PTPRT: variants seen among roughly 807,000 people sequenced by gnomAD.
The protein encoded by PTPRT is receptor-type tyrosine-protein phosphatase T.
In PTPRT, 56 loss-of-function variants were observed where a neutral mutation model predicts 176.8. The observed-to-expected ratio is 0.32, with a 90% CI of 0.26 to 0.40. The LOEUF (loss-of-function observed/expected upper bound fraction) is 0.40, where lower values mean the gene tolerates loss of function less well. PTPRT is among the 10% of genes least tolerant of loss of function. The pLI is 1.00. For missense variants in PTPRT, 1,540 were observed against 1,908.2 expected (o/e 0.81, Z 3.60); for synonymous variants, 783 against 739.0 (o/e 1.06, Z -0.96).
Position 42,921,215 on chromosome 20 carries a change from C to A in PTPRT, c.89-35283G>T, listed in dbSNP as rs989651260. Among the ~76,000 whole-genome samples, 10 of 152,166 alleles carry A rather than the reference C, an allele frequency of 6.6e-5. No homozygotes were observed. The South Asian group carries it at 2.1e-3, about 32-fold the overall frequency. ...GATGGAATTAGGGGATTATTTTCAT[C>A]TCTGTTTTCCAAAATTTCTGAAATA... On this transcript the variant is annotated intron_variant, in intron 1 of 30. Coordinates refer to ENST00000373187, the MANE Select transcript of PTPRT (RefSeq NM_007050.6).
intron 9 of PTPRT, among the ~76,000 whole-genome samples, 175 bp from the exon 10 acceptor site, chr20:42,352,460 A>C (rs1169880928): frequency 6.6e-6 from 1 of 152,164 alleles, no homozygotes; most frequent in Non-Finnish European, 1.5e-5. Context: ...CCCAGCCTCC[A>C]AATACCCCAT....
intron 1 of PTPRT, among the ~76,000 whole-genome samples, chr20:43,135,723 G>A (rs934757363): frequency 1.3e-5 from 2 of 152,228 alleles, no homozygotes; most frequent in Non-Finnish European, 2.9e-5. Context: ...AGACCACTGA[G>A]TGTAGTGACC....
intron 6 of PTPRT, among the ~76,000 whole-genome samples, chr20:42,755,554 A>G (rs2076818748): frequency 6.7e-6 from 1 of 149,316 alleles, no homozygotes; most frequent in Non-Finnish European, 1.5e-5. Context: ...TGCAGTTACC[A>G]GTGTAAACTG....
chr20:42,450,549 CT>C (rs1317248331), intron 8 of PTPRT, among the ~76,000 whole-genome samples: 1 of 152,126 alleles, frequency 6.6e-6, no homozygotes, highest in African/African-American at 2.4e-5. Flanking sequence ...TTTTGCTCAT[CT>C]TTGTCTTATG....
At chr20:42,717,524 GATTAC>G (rs1288852561) in intron 6 of PTPRT, among the ~76,000 whole-genome samples, 3 of 151,994 alleles carry the variant, frequency 2.0e-5, no homozygotes, top group Non-Finnish European at 4.4e-5. Context: ...ATTTTAGATG[GATTAC>G]ATAGACCTAT....
At chr20:42,172,319 T>C (rs1990113191) in intron 16 of PTPRT, among the ~76,000 whole-genome samples, 1 of 152,046 alleles carries the variant, frequency 6.6e-6, no homozygotes, top group Admixed American at 6.5e-5. Flanking sequence ...ACCAACAAAT[T>C]AGACAAACCT....
At position 42,627,985 on chromosome 20, in the gene PTPRT, C is replaced by A. The variant is rs374762604; in HGVS notation, c.1153+49881G>T. Among the ~76,000 whole-genome samples the A allele has an allele frequency of 7.9e-5, 12 of 152,212 alleles. No individual in the cohort carries two copies. The East Asian group carries it at 2.1e-3, about 27-fold the overall frequency. On this transcript the variant is annotated intron_variant, in intron 7 of 30. Transcript: ENST00000373187. The stretch of plus-strand genomic sequence containing the variant: ...GGCAAGGTTTCATCCATCCGTAATG[C>A]CTGCTGGGACAACTGGGAGAACAGG...
chr20:42,219,001 G>T (rs761149363), intron 15 of PTPRT, among the ~76,000 whole-genome samples: 1 of 152,174 alleles, frequency 6.6e-6, no homozygotes, highest in African/African-American at 2.4e-5. Context: ...TTTATGCAAC[G>T]TGAGGTGCTT....
At chr20:43,024,982 A>G (rs1985852662) in intron 1 of PTPRT, among the ~76,000 whole-genome samples, 1 of 152,190 alleles carries the variant, frequency 6.6e-6, no homozygotes, top group Non-Finnish European at 1.5e-5. Flanking sequence ...GCCATCCTGA[A>G]AATTTTAAAC....
chr20:42,141,153 C>T (rs558091541), intron 18 of PTPRT, among the ~76,000 whole-genome samples: 1 of 152,296 alleles, frequency 6.6e-6, no homozygotes, highest in Admixed American at 6.5e-5. Flanking sequence ...CCTTCCCCTG[C>T]AGGCTCAGTA....
chr20:42,368,342 A>C (rs551187006), intron 9 of PTPRT, among the ~76,000 whole-genome samples: 3 of 152,314 alleles, frequency 2.0e-5, no homozygotes, highest in Admixed American at 6.5e-5. Flanking sequence ...ACTTGAAGAC[A>C]TCAAAGGTTA....
intron 6 of PTPRT, among the ~76,000 whole-genome samples, chr20:42,707,949 T>C (rs2076085877): frequency 6.6e-6 from 1 of 152,212 alleles, no homozygotes; most frequent in African/African-American, 2.4e-5. Context: ...GATCATAAAT[T>C]ATTTTAAGCT....
At chr20:43,100,636 C>G (rs1231256861) in intron 1 of PTPRT, among the ~76,000 whole-genome samples, 1 of 152,208 alleles carries the variant, frequency 6.6e-6, no homozygotes, top group Admixed American at 6.5e-5. Flanking sequence ...TCATTTCCAG[C>G]TCTGTGTTAG....
intron 7 of PTPRT, among the ~76,000 whole-genome samples, chr20:42,578,902 T>TTG (rs1555882870): frequency 2.2e-4 from 31 of 139,776 alleles, no homozygotes; most frequent in African/African-American, 5.0e-4. Flanking sequence ...TTTTTTTTTT[T>TTG]GGGGGGGGGT....
At position 42,938,675 on chromosome 20, in the gene PTPRT, C is replaced by A. The variant is rs557819069; in HGVS notation, c.89-52743G>T. The stretch of plus-strand genomic sequence containing the variant: ...CAGGGTATTTCCAGCCTAACTCCCT[C>A]CCCCCCATGCTTGCTAGAGAGTGCT... On this transcript the variant is annotated intron_variant, in intron 1 of 30. Coordinates refer to ENST00000373187, the MANE Select transcript of PTPRT (RefSeq NM_007050.6). Among the ~76,000 whole-genome samples, 6 of 152,152 alleles carry A rather than the reference C, an allele frequency of 3.9e-5. No individual in the cohort carries two copies. The South Asian group carries it at 1.0e-3, about 26-fold the overall frequency.
chr20:42,362,017 C>A (rs1461451642), intron 9 of PTPRT, among the ~76,000 whole-genome samples: 1 of 152,160 alleles, frequency 6.6e-6, no homozygotes, highest in Non-Finnish European at 1.5e-5. Context: ...ACATTCTTAG[C>A]CAAATGATGA....
At chr20:42,772,606 G>T (rs910428766) in intron 4 of PTPRT, among the ~76,000 whole-genome samples, 3 of 152,102 alleles carry the variant, frequency 2.0e-5, no homozygotes, top group Non-Finnish European at 4.4e-5. Context: ...CTGATAAATT[G>T]TATCTAGAAG....
At chr20:42,228,866 C>T (rs1052782700) in intron 15 of PTPRT, among the ~76,000 whole-genome samples, 1 of 152,030 alleles carries the variant, frequency 6.6e-6, no homozygotes, top group Non-Finnish European at 1.5e-5. Flanking sequence ...TGCAAAGATG[C>T]CAAGGGCAGG....
At chr20:42,096,756 A>ATTTTTTTTTT (rs58111170) in intron 27 of PTPRT, among the ~76,000 whole-genome samples, 3 of 118,866 alleles carry the variant, frequency 2.5e-5, no homozygotes, top group Non-Finnish European at 5.2e-5. Flanking sequence ...GCTAATTAAA[A>ATTTTTTTTTT]TTTTTTTTTT....
Sources: gnomAD v4.1 joint callset for allele counts (sites outside exome capture counted in the v4.1 genomes callset) on GRCh38, gnomAD v4.1.1 for gene constraint, MANE v1.5 for transcripts, NCBI Gene and HGNC (gene_info 2026-07-23, HGNC 2026-07-21) for gene names.